Variants in METTL15 observed in about 807,000 individuals in gnomAD.
METTL15 encodes 12S rRNA N(4)-cytidine methyltransferase METTL15.
Under a neutral mutation model 38.3 loss-of-function variants are expected in METTL15, and 34 were observed. The ratio of observed to expected loss-of-function variants is 0.89; its 90% CI spans 0.68 to 1.18. The LOEUF (loss-of-function observed/expected upper bound fraction) is 1.18. Among genes scored for constraint, METTL15 ranks in the 50% most tolerant of loss-of-function variants. The pLI, the probability that METTL15 is intolerant of heterozygous loss-of-function variation, is 0.00. For synonymous variants in METTL15, 162 were observed against 170.9 expected, an observed-to-expected ratio of 0.95 and a Z score of 0.41; for missense variants, 438 against 498.4, an observed-to-expected ratio of 0.88 and a Z score of 1.15.
Position 28,292,688 on chromosome 11 carries a change from G to T in METTL15, c.599+2291G>T, listed in dbSNP as rs556023187. Among the ~76,000 whole-genome samples the T allele has an allele frequency of 3.3e-4, 50 of 152,214 alleles. No individual in the cohort carries two copies. In the East Asian group the frequency reaches 9.5e-3, roughly 29 times the overall value. ...ACAGTCCCACCAACAGTGTAAAAGT[G>T]TTCCTATTTCTCCACATCCTCTCCA... On this transcript the variant is annotated intron_variant, in intron 5 of 6. Coordinates refer to ENST00000407364, the MANE Select transcript of METTL15 (RefSeq NM_001113528.2).
At chr11:28,312,808 C>G (rs187879937) in intron 6 of METTL15, among the ~76,000 whole-genome samples, 163 of 152,188 alleles carry the variant, frequency 1.1e-3, no homozygotes, top group African/African-American at 2.1e-3. Flanking sequence ...CTCAGGAGTT[C>G]ACTTCCTCAA....
chr11:28,414,661 T>C (rs80188149), intron 5 of METTL15, among the ~76,000 whole-genome samples: 2,769 of 152,328 alleles, frequency 0.018, 32 homozygotes, highest in South Asian at 0.033. Flanking sequence ...TTTTTTGTTT[T>C]TGAGAACTTC....
At chr11:28,364,822 A>G (rs1404550579) in intron 5 of METTL15, among the ~76,000 whole-genome samples, 1 of 152,122 alleles carries the variant, frequency 6.6e-6, no homozygotes, top group Non-Finnish European at 1.5e-5. Context: ...TTTGTCATAG[A>G]TGGCTCTTAT....
intron 4 of METTL15, among the ~76,000 whole-genome samples, chr11:28,361,722 T>G (rs1235111959): frequency 6.6e-6 from 1 of 152,158 alleles, no homozygotes; most frequent in Non-Finnish European, 1.5e-5. Flanking sequence ...TATTTAATAC[T>G]TAATATCGGT....
At chr11:28,257,755 T>C (rs1185672937) in intron 4 of METTL15, among the ~76,000 whole-genome samples, 1 of 152,208 alleles carries the variant, frequency 6.6e-6, no homozygotes, top group Non-Finnish European at 1.5e-5. Flanking sequence ...TCAATCTCTG[T>C]AAAATTTATT....
intron 6 of METTL15, among the ~76,000 whole-genome samples, chr11:28,505,973 C>A (rs1342829484): frequency 6.6e-6 from 1 of 152,176 alleles, no homozygotes; most frequent in Non-Finnish European, 1.5e-5. Context: ...AAATGATTTT[C>A]TTTCACTCTG....
chr11:28,391,182 C>T (rs888602726), intron 5 of METTL15, among the ~76,000 whole-genome samples: 1 of 151,994 alleles, frequency 6.6e-6, no homozygotes, highest in African/African-American at 2.4e-5. Flanking sequence ...CAAACAGGGA[C>T]AATTTGACTT....
chr11:28,352,775 AG>A (rs1466849142), intron 4 of METTL15, among the ~76,000 whole-genome samples: 1 of 152,166 alleles, frequency 6.6e-6, no homozygotes, highest in Non-Finnish European at 1.5e-5. Flanking sequence ...TCATTGAGGG[AG>A]GAAAGATAAT....
chr11:28,280,185 T>C (rs1856000922), intron 4 of METTL15, among the ~76,000 whole-genome samples: 1 of 151,968 alleles, frequency 6.6e-6, no homozygotes, highest in South Asian at 2.1e-4. Flanking sequence ...ATTGCTTCGG[T>C]TGTATTTGTG....
intron 5 of METTL15, among the ~76,000 whole-genome samples, chr11:28,389,627 A>G (rs1464918783): frequency 2.6e-5 from 4 of 151,904 alleles, no homozygotes; most frequent in Non-Finnish European, 4.4e-5. Flanking sequence ...AATCCAGTCT[A>G]TCATTGTTGG....
intron 6 of METTL15, among the ~76,000 whole-genome samples, chr11:28,518,824 G>T (rs1023215077): frequency 6.6e-6 from 1 of 152,152 alleles, no homozygotes; most frequent in South Asian, 2.1e-4. Flanking sequence ...CTGAAATATC[G>T]CTGTTAAGTA....
At chr11:28,374,875 AG>A (rs1347153148) in intron 5 of METTL15, among the ~76,000 whole-genome samples, 5 of 151,028 alleles carry the variant, frequency 3.3e-5, no homozygotes, top group Admixed American at 6.6e-5. Context: ...TTTAGCATGA[AG>A]GGTTGTTGAA....
chr11:28,214,423 T>A (rs1852777986), intron 4 of METTL15, among the ~76,000 whole-genome samples: 1 of 152,194 alleles, frequency 6.6e-6, no homozygotes, highest in African/African-American at 2.4e-5. Flanking sequence ...AAGGAAATAC[T>A]AGTATATCTA....
At chr11:28,179,524 C>A (rs1385123073) in intron 3 of METTL15, among the ~76,000 whole-genome samples, 1 of 151,742 alleles carries the variant, frequency 6.6e-6, no homozygotes, top group African/African-American at 2.4e-5. Context: ...CACATGAAAT[C>A]ATAAACTAAT....
At chr11:28,322,112 A>G (rs566239000) in intron 6 of METTL15, among the ~76,000 whole-genome samples, 1 of 152,218 alleles carries the variant, frequency 6.6e-6, no homozygotes, top group East Asian at 1.9e-4. Flanking sequence ...GATTATATCT[A>G]TAATCTTAGA....
At chr11:28,235,884 C>A (rs1238058357) in intron 4 of METTL15, among the ~76,000 whole-genome samples, 1 of 152,052 alleles carries the variant, frequency 6.6e-6, no homozygotes, top group Non-Finnish European at 1.5e-5. Flanking sequence ...TGTCTTGTGC[C>A]AGTTTTCAAA....
At chr11:28,274,314 CA>C (rs1243265453) in intron 4 of METTL15, among the ~76,000 whole-genome samples, 1 of 151,916 alleles carries the variant, frequency 6.6e-6, no homozygotes, top group Non-Finnish European at 1.5e-5. Context: ...AGACTAAAAC[CA>C]TTAGCTATTT....
chr11:28,266,174 A>G (rs1855408995), intron 4 of METTL15, among the ~76,000 whole-genome samples: 2 of 152,216 alleles, frequency 1.3e-5, no homozygotes, highest in Admixed American at 6.5e-5. Context: ...ATCTAGAACT[A>G]GAAATACCAT....
At chr11:28,179,816 A>T (rs1261027709) in intron 3 of METTL15, among the ~76,000 whole-genome samples, 1 of 151,800 alleles carries the variant, frequency 6.6e-6, no homozygotes, top group Non-Finnish European at 1.5e-5. Flanking sequence ...ACTTTAGGAA[A>T]TAGAGCCAAG....
Sources: allele counts gnomAD v4.1 joint callset (sites outside exome capture counted in the v4.1 genomes callset), GRCh38; gene constraint gnomAD v4.1.1; transcripts MANE v1.5; gene names NCBI Gene and HGNC (gene_info 2026-07-23, HGNC 2026-07-21).